The following UGT1A5 variants were observed in gnomAD, a reference collection of about 807,000 sequenced individuals.
The protein encoded by UGT1A5 is UDP-glucuronosyltransferase 1A5.
Under a neutral mutation model 40.3 loss-of-function variants are expected in UGT1A5, and 29 were observed. The observed-to-expected ratio is 0.72, with a 90% CI of 0.54 to 0.98. The LOEUF (loss-of-function observed/expected upper bound fraction) is 0.98, where lower values mean the gene tolerates loss of function less well. Ranked by LOEUF, UGT1A5 falls within the 50% of genes least tolerant of loss-of-function variation. The pLI is 0.00. For missense variants in UGT1A5, 678 were observed against 677.9 expected (o/e 1.00, Z 0.00); for synonymous variants, 257 against 262.5 (o/e 0.98, Z 0.20).
At chr2:233,757,826 ATGG>A (rs1696730771) in intron 1 of UGT1A5, among the ~76,000 whole-genome samples, 1 of 151,882 alleles carries the variant, frequency 6.6e-6, no homozygotes, top group Non-Finnish European at 1.5e-5. Flanking sequence ...AGTGTGTCTG[ATGG>A]TGGCCTACTA....
intron 1 of UGT1A5, among the ~76,000 whole-genome samples, chr2:233,736,128 G>A (rs1042776014): frequency 2.0e-5 from 3 of 152,068 alleles, no homozygotes; most frequent in Non-Finnish European, 4.4e-5. Flanking sequence ...TCCATTCTCC[G>A]CATCACTTTC....
chr2:233,757,537 T>TAA (rs1696591664), intron 1 of UGT1A5, among the ~76,000 whole-genome samples: 3 of 107,778 alleles, frequency 2.8e-5, no homozygotes, highest in African/African-American at 1.4e-4. Context: ...CTGTAAGGAA[T>TAA]ATATATATAT....
At chr2:233,719,293 G>C (rs149433426) in intron 1 of UGT1A5, 125 of 1,613,828 alleles carry the variant, frequency 7.7e-5, no homozygotes, top group African/African-American at 2.0e-4. Context: ...AACCTCTGTG[G>C]GGCGGTGCTG....
intron 1 of UGT1A5, among the ~76,000 whole-genome samples, chr2:233,720,939 G>T (rs28899186): frequency 0.081 from 11,996 of 147,890 alleles, 613 homozygotes; most frequent in East Asian, 0.2. Context: ...TTGAACTCCT[G>T]ACCTCATGTG....
chr2:233,747,477 T>G lies in UGT1A5; in HGVS notation c.868-19557T>G, dbSNP rs1368203969. 4 of 1,608,578 alleles carry G rather than the reference T, an allele frequency of 2.5e-6. No homozygotes were observed. In the Admixed American group the frequency reaches 6.7e-5, roughly 27 times the overall value. Reference sequence around the variant, plus strand: ...TGCCATTTCATGGACCCAGGATGAATTTGATCGCCTTGTGCTGGGCCACAC... The same window carrying G: ...TGCCATTTCATGGACCCAGGATGAAGTTGATCGCCTTGTGCTGGGCCACAC... On this transcript the variant is annotated intron_variant, in intron 1 of 4. Transcript: ENST00000373414.
intron 1 of UGT1A5, among the ~76,000 whole-genome samples, chr2:233,724,822 C>T (rs372493213): frequency 2.2e-5 from 3 of 135,968 alleles, no homozygotes; most frequent in Admixed American, 7.3e-5. Flanking sequence ...GCTGCAATCT[C>T]GGCACTTTGG....
chr2:233,730,725 A>G (rs1270546313), intron 1 of UGT1A5, among the ~76,000 whole-genome samples: 1 of 152,146 alleles, frequency 6.6e-6, no homozygotes, highest in Admixed American at 6.5e-5. Flanking sequence ...TTATCAAGAA[A>G]TGGCGGAAGG....
intron 1 of UGT1A5, among the ~76,000 whole-genome samples, chr2:233,717,417 G>C (rs2076571839): frequency 6.6e-6 from 1 of 152,224 alleles, no homozygotes; most frequent in Non-Finnish European, 1.5e-5. Flanking sequence ...CCTCCCTTGA[G>C]CTGGGTGTCC....
intron 1 of UGT1A5, among the ~76,000 whole-genome samples, chr2:233,724,340 A>G (rs1575552395): frequency 1.9e-5 from 2 of 104,210 alleles, no homozygotes; most frequent in Admixed American, 9.6e-5. Context: ...CGGGGGGCTG[A>G]CCCCCCCCAC....
intron 1 of UGT1A5, 69 bp downstream of exon 1, chr2:233,713,927 C>G: frequency 6.2e-7 from 1 of 1,611,918 alleles, no homozygotes; most frequent in East Asian, 2.2e-5. Context: ...TATTTACTTA[C>G]AAGTGCTTCC....
intron 1 of UGT1A5, among the ~76,000 whole-genome samples, chr2:233,737,451 G>T (rs1349834753): frequency 6.6e-6 from 1 of 152,156 alleles, no homozygotes. Context: ...GTTTTTCCAG[G>T]TACAGTCTGT....
intron 4 of UGT1A5, chr2:233,770,023 G>A (rs1575848651): frequency 6.2e-6 from 1 of 160,986 alleles, no homozygotes; most frequent in Non-Finnish European, 1.4e-5. Flanking sequence ...TTCTTTCCCT[G>A]CACTGTTGAA....
intron 1 of UGT1A5, among the ~76,000 whole-genome samples, chr2:233,732,830 G>GT (rs1465504396): frequency 3.4e-5 from 5 of 148,534 alleles, no homozygotes; most frequent in African/African-American, 1.0e-4. Context: ...CTTTAAAGTA[G>GT]TTTTTTCCAA....
At chr2:233,762,544 T>C (rs755070967) in intron 1 of UGT1A5, among the ~76,000 whole-genome samples, 100 of 152,370 alleles carry the variant, frequency 6.6e-4, no homozygotes, top group Middle Eastern at 6.8e-3. Flanking sequence ...TACCACAGTG[T>C]ATTCTGCTGG....
chr2:233,771,328 C>G (rs11888492), intron 4 of UGT1A5: 27,690 of 151,958 alleles, frequency 0.18, 3,662 homozygotes, highest in African/African-American at 0.37. Flanking sequence ...CTTCAATCTC[C>G]TCTTCATTCC....
In UGT1A5 at chr2:233,743,838, C is replaced by A. The variant is rs749381543; in HGVS notation, c.868-23196C>A. 7.3e-6 allele frequency: 10 copies of A among 1,367,292 alleles called. No individual in the cohort carries two copies. In the South Asian group the frequency reaches 1.1e-4, roughly 16 times the overall value. 84.7% of individuals were successfully genotyped at this position (1,367,292 alleles called of 1,614,324 possible). On this transcript the variant is annotated intron_variant, in intron 1 of 4. Coordinates refer to ENST00000373414, the MANE Select transcript of UGT1A5 (RefSeq NM_019078.2). The stretch of plus-strand genomic sequence containing the variant: ...TTTTTGTCGGGGTGCCACTTGAGCG[C>A]CAGCTTGCGGTACGCCTTCTTGATG...
intron 1 of UGT1A5, chr2:233,754,616 C>G (rs899223660): frequency 6.8e-6 from 3 of 438,446 alleles, no homozygotes; most frequent in African/African-American, 6.2e-5. Flanking sequence ...CTCCATCTTC[C>G]TCCACTTCCA....
At chr2:233,760,785 G>A in intron 1 of UGT1A5, 1 of 1,613,686 alleles carries the variant, frequency 6.2e-7, no homozygotes. Context: ...ACCTGTCTCT[G>A]CCCACTGTAT....
chr2:233,717,965 T>C (rs535452476), intron 1 of UGT1A5: 52 of 449,572 alleles, frequency 1.2e-4, no homozygotes, highest in African/African-American at 5.6e-4. Flanking sequence ...CTGGAGCCTT[T>C]GGCATTCAGA....
Sources: gnomAD v4.1 joint callset for allele counts (sites outside exome capture counted in the v4.1 genomes callset) on GRCh38, gnomAD v4.1.1 for gene constraint, MANE v1.5 for transcripts, NCBI Gene and HGNC (gene_info 2026-07-23, HGNC 2026-07-21) for gene names.